BRD10: variants seen among roughly 807,000 people sequenced by gnomAD.
The protein encoded by BRD10 is uncharacterized bromodomain-containing protein 10.
the BRD10 span, among the ~76,000 whole-genome samples, chr9:5,992,799 G>A: frequency 1.3e-5 from 2 of 150,252 alleles, no homozygotes; most frequent in African/African-American, 4.9e-5. Flanking sequence ...GCTTGATTCT[G>A]TTTAAAATTA....
At chr9:5,950,217 T>G in the BRD10 span, among the ~76,000 whole-genome samples, 4 of 152,310 alleles carry the variant, frequency 2.6e-5, no homozygotes, top group African/African-American at 9.6e-5. Context: ...TTTAAGTAAA[T>G]GGAAAGAGTG....
At chr9:5,972,420 G>A in the BRD10 span, among the ~76,000 whole-genome samples, 1 of 152,172 alleles carries the variant, frequency 6.6e-6, no homozygotes, top group African/African-American at 2.4e-5. Flanking sequence ...GATATAGTTT[G>A]GATATCTGCA....
the BRD10 span, among the ~76,000 whole-genome samples, chr9:5,911,323 T>C: frequency 6.6e-6 from 1 of 152,046 alleles, no homozygotes; most frequent in Non-Finnish European, 1.5e-5. Flanking sequence ...TGTATGTTCT[T>C]GGCACCTTTG....
At chr9:5,890,046 A>T in the BRD10 span, among the ~76,000 whole-genome samples, 1 of 152,122 alleles carries the variant, frequency 6.6e-6, no homozygotes, top group Admixed American at 6.5e-5. Flanking sequence ...TGATTATGAG[A>T]GTCTGGGACT....
At chr9:5,891,330 G>A in the BRD10 span, 1 of 152,224 alleles carries the variant, frequency 6.6e-6, no homozygotes, top group Non-Finnish European at 1.5e-5. Flanking sequence ...ACAATTTAAT[G>A]AAGAATTAAG....
At chr9:5,974,459 A>C in the BRD10 span, among the ~76,000 whole-genome samples, 1 of 152,170 alleles carries the variant, frequency 6.6e-6, no homozygotes, top group African/African-American at 2.4e-5. Flanking sequence ...TTTCAAGCAA[A>C]AGACAGCGAT....
At chr9:5,950,362 T>C in the BRD10 span, among the ~76,000 whole-genome samples, 1 of 152,212 alleles carries the variant, frequency 6.6e-6, no homozygotes, top group African/African-American at 2.4e-5. Context: ...AGCTGTATCA[T>C]TCAATCCTCA....
chr9:5,950,018 T>C, the BRD10 span, among the ~76,000 whole-genome samples: 3 of 152,126 alleles, frequency 2.0e-5, no homozygotes, highest in East Asian at 5.8e-4. Flanking sequence ...CACTAAAAAA[T>C]CCAACAATTT....
the BRD10 span, among the ~76,000 whole-genome samples, chr9:5,966,779 G>GA: frequency 6.6e-6 from 1 of 151,940 alleles, no homozygotes; most frequent in Non-Finnish European, 1.5e-5. Flanking sequence ...ATTTCAAAGT[G>GA]AATTTGCCAA....
At chr9:5,948,826 T>C in the BRD10 span, among the ~76,000 whole-genome samples, 3 of 152,136 alleles carry the variant, frequency 2.0e-5, no homozygotes, top group African/African-American at 7.2e-5. Context: ...ACTAAATGCA[T>C]GGTATAAATT....
At chr9:5,958,793 CA>C in the BRD10 span, among the ~76,000 whole-genome samples, 1 of 152,112 alleles carries the variant, frequency 6.6e-6, no homozygotes, top group South Asian at 2.1e-4. Context: ...ATCATTGTTG[CA>C]AGTAAAAACT....
At chr9:6,007,593 G>C in the BRD10 span, 4 of 1,607,298 alleles carry the variant, frequency 2.5e-6, no homozygotes, top group Non-Finnish European at 3.4e-6. Flanking sequence ...AACCGCCTCC[G>C]ATCACCATCG....
the BRD10 span, chr9:5,968,935 ACC>A: frequency 6.2e-7 from 1 of 1,611,614 alleles, no homozygotes; most frequent in Admixed American, 1.7e-5. Flanking sequence ...AGTCACAAAG[ACC>A]CTTAAGTAGC....
At chr9:5,927,675 C>T in the BRD10 span, among the ~76,000 whole-genome samples, 2 of 152,250 alleles carry the variant, frequency 1.3e-5, no homozygotes, top group East Asian at 3.9e-4. Context: ...CCATCATGAG[C>T]AGCCCTCCTT....
chr9:6,007,200 G>C, the BRD10 span: 5 of 1,611,778 alleles, frequency 3.1e-6, no homozygotes, highest in East Asian at 4.5e-5. Flanking sequence ...CTTACCGAGA[G>C]AGAAGCGCTA....
the BRD10 span, among the ~76,000 whole-genome samples, chr9:5,886,444 A>G: frequency 6.6e-6 from 1 of 152,228 alleles, no homozygotes; most frequent in African/African-American, 2.4e-5. Flanking sequence ...CACTTCCAAC[A>G]GGATCTCGTT....
chr9:6,000,563 A>T, the BRD10 span, among the ~76,000 whole-genome samples: 1 of 152,214 alleles, frequency 6.6e-6, no homozygotes, highest in Admixed American at 6.5e-5. Context: ...AGGAGAAACA[A>T]ACTATAAGGC....
At chr9:5,999,909 T>G in the BRD10 span, among the ~76,000 whole-genome samples, 1 of 152,154 alleles carries the variant, frequency 6.6e-6, no homozygotes, top group Non-Finnish European at 1.5e-5. Flanking sequence ...ACTACCTTCT[T>G]GCATGCTTTT....
the BRD10 span, chr9:5,920,057 T>C: frequency 1.9e-6 from 3 of 1,613,880 alleles, no homozygotes; most frequent in East Asian, 2.2e-5. Flanking sequence ...TGGTGATGTA[T>C]GTACTGTGGG....
Sources: allele counts gnomAD v4.1 joint callset (sites outside exome capture counted in the v4.1 genomes callset), GRCh38; gene constraint gnomAD v4.1.1; transcripts MANE v1.5; gene names NCBI Gene and HGNC (gene_info 2026-07-23, HGNC 2026-07-21).